The following GRID2 variants were observed in gnomAD, a reference collection of about 807,000 sequenced individuals.
GRID2 encodes glutamate ionotropic receptor delta type subunit 2.
A neutral mutation model predicts 114.8 loss-of-function variants in GRID2; 33 were observed. The observed-to-expected ratio is 0.29, with a 90% CI of 0.22 to 0.38. The LOEUF is 0.38. Ranked by LOEUF, GRID2 falls within the 10% of genes least tolerant of loss-of-function variation. The pLI is 1.00. For missense variants in GRID2, 1,184 were observed against 1,257.7 expected, an observed-to-expected ratio of 0.94 and a Z score of 0.89; for synonymous variants, 505 against 449.9, an observed-to-expected ratio of 1.12 and a Z score of -1.55.
intron 7 of GRID2, among the ~76,000 whole-genome samples, chr4:93,237,670 A>G (rs1160625184): frequency 2.0e-5 from 3 of 151,932 alleles, no homozygotes; most frequent in Non-Finnish European, 4.4e-5. Flanking sequence ...CTGAGAAAAG[A>G]ATGATAAACA....
At chr4:93,535,559 T>C (rs1182767768) in intron 13 of GRID2, among the ~76,000 whole-genome samples, 1 of 152,012 alleles carries the variant, frequency 6.6e-6, no homozygotes, top group Non-Finnish European at 1.5e-5. Flanking sequence ...CACCAACACT[T>C]ACTATCTTTT....
At chr4:93,225,354 A>G (rs1284810298) in intron 7 of GRID2, among the ~76,000 whole-genome samples, 1 of 152,090 alleles carries the variant, frequency 6.6e-6, no homozygotes, top group Non-Finnish European at 1.5e-5. Context: ...CCCAGAAGGC[A>G]GTTTATGTTG....
At chr4:92,905,703 T>C (rs1747896618) in intron 2 of GRID2, among the ~76,000 whole-genome samples, 1 of 152,088 alleles carries the variant, frequency 6.6e-6, no homozygotes, top group South Asian at 2.1e-4. Flanking sequence ...GAAGCTCCAA[T>C]ATTGGGCAAT....
At chr4:92,644,303 A>G (rs17019739) in intron 2 of GRID2, among the ~76,000 whole-genome samples, 40,492 of 151,622 alleles carry the variant, frequency 0.27, 5,445 homozygotes, top group South Asian at 0.32. Context: ...TTATGCATAC[A>G]TATTTCAATT....
intron 13 of GRID2, among the ~76,000 whole-genome samples, chr4:93,555,548 TG>T (rs1237187310): frequency 6.6e-6 from 1 of 152,188 alleles, no homozygotes; most frequent in Non-Finnish European, 1.5e-5. Flanking sequence ...ATAGCCAGAC[TG>T]CCTCTCCAGA....
chr4:93,512,809 T>C (rs1048674624), intron 12 of GRID2, among the ~76,000 whole-genome samples: 1 of 152,188 alleles, frequency 6.6e-6, no homozygotes, highest in African/African-American at 2.4e-5. Flanking sequence ...TAAAACTCTA[T>C]ATTTTCAGGC....
At chr4:92,360,416 G>A (rs779297962) in intron 1 of GRID2, among the ~76,000 whole-genome samples, 3 of 151,676 alleles carry the variant, frequency 2.0e-5, no homozygotes, top group Admixed American at 6.6e-5. Context: ...TCATGAGTTC[G>A]AATAAAAACA....
chr4:93,302,767 A>G, intron 8 of GRID2: 1 of 343,658 alleles, frequency 2.9e-6, no homozygotes, highest in Non-Finnish European at 5.7e-6. Flanking sequence ...ATCCAACTAC[A>G]CAGTATTTTA....
chr4:92,362,218 C>T (rs894333960), intron 1 of GRID2, among the ~76,000 whole-genome samples: 6 of 151,966 alleles, frequency 3.9e-5, no homozygotes, highest in Non-Finnish European at 8.8e-5. Context: ...GTGGGCTGTA[C>T]TATGAATAAT....
chr4:92,848,543 C>T (rs557577834), intron 2 of GRID2, among the ~76,000 whole-genome samples: 25 of 152,054 alleles, frequency 1.6e-4, no homozygotes, highest in African/African-American at 5.5e-4. Context: ...ACTTCTTCAA[C>T]TCCATTTTGC....
intron 8 of GRID2, among the ~76,000 whole-genome samples, chr4:93,296,721 G>A (rs1488243107): frequency 6.6e-6 from 1 of 152,134 alleles, no homozygotes; most frequent in Non-Finnish European, 1.5e-5. Context: ...ATTTTGCATT[G>A]AAAAAGAAAC....
chr4:92,583,591 G>A (rs1201709565), intron 1 of GRID2, among the ~76,000 whole-genome samples: 1 of 151,520 alleles, frequency 6.6e-6, no homozygotes, highest in Admixed American at 6.6e-5. Flanking sequence ...TGAAACATTT[G>A]TAATACAGAA....
chr4:92,708,970 A>G (rs1735082234), intron 2 of GRID2, among the ~76,000 whole-genome samples: 1 of 152,138 alleles, frequency 6.6e-6, no homozygotes, highest in Non-Finnish European at 1.5e-5. Flanking sequence ...TGTGCCCTCC[A>G]GGATAGAATG....
chr4:92,799,845 G>T (rs575816161), intron 2 of GRID2, among the ~76,000 whole-genome samples: 12 of 152,000 alleles, frequency 7.9e-5, no homozygotes, highest in African/African-American at 2.9e-4. Context: ...GATAGACTAG[G>T]TCAAGTTATT....
At chr4:92,987,739 G>A (rs1173266228) in intron 2 of GRID2, among the ~76,000 whole-genome samples, 1 of 143,956 alleles carries the variant, frequency 6.9e-6, no homozygotes, top group Non-Finnish European at 1.5e-5. Context: ...CTTAGAGATT[G>A]TCATTTTTTT....
chr4:93,306,048 A>T lies in GRID2; in HGVS notation c.1245+67558A>T, dbSNP rs368861019. 4.5e-4 allele frequency: 69 copies of T among 152,342 alleles called. 1 individual carries two copies. The highest frequency in any genetic ancestry group is 1.7e-3 in the African/African-American group (69 of 41,590). 9.4% of individuals were successfully genotyped at this position (152,342 alleles called of 1,614,324 possible). On this transcript the variant is annotated intron_variant, in intron 8 of 15. Transcript: ENST00000282020. ...ACCTGATTATATACATGTCTGCAGC[A>T]TGAAGTTGGAAACTTTGTTAACGTT...
chr4:93,763,066 A>G (rs1377321666), intron 14 of GRID2, among the ~76,000 whole-genome samples: 1 of 152,236 alleles, frequency 6.6e-6, no homozygotes, highest in East Asian at 1.9e-4. Context: ...GCAGTCACCT[A>G]TTAATCTCTA....
intron 8 of GRID2, among the ~76,000 whole-genome samples, chr4:93,380,180 G>A (rs114905167): frequency 0.048 from 7,311 of 152,056 alleles, 206 homozygotes; most frequent in Middle Eastern, 0.17. Context: ...CTAATGGCAA[G>A]TATCTTTATT....
At chr4:92,316,752 T>C (rs985048553) in intron 1 of GRID2, among the ~76,000 whole-genome samples, 1 of 152,156 alleles carries the variant, frequency 6.6e-6, no homozygotes, top group Admixed American at 6.6e-5. Context: ...ATTTTTATAG[T>C]AGCCTAAAGG....
Sources: gnomAD v4.1 joint callset for allele counts (sites outside exome capture counted in the v4.1 genomes callset) on GRCh38, gnomAD v4.1.1 for gene constraint, MANE v1.5 for transcripts, NCBI Gene and HGNC (gene_info 2026-07-23, HGNC 2026-07-21) for gene names.